KDM4C: variants seen among roughly 807,000 people sequenced by gnomAD.
KDM4C encodes lysine demethylase 4C.
Under a neutral mutation model 129.3 loss-of-function variants are expected in KDM4C, and 81 were observed. The observed-to-expected ratio is 0.63, with a 90% CI of 0.52 to 0.75. The LOEUF (loss-of-function observed/expected upper bound fraction) is 0.75, where lower values mean the gene tolerates loss of function less well. Among genes scored for constraint, KDM4C ranks in the 30% least tolerant of loss-of-function variants. KDM4C has a pLI of 0.00. For missense variants in KDM4C, 1,457 were observed against 1,304.0 expected (o/e 1.12, Z -1.81); for synonymous variants, 573 against 456.1 (o/e 1.26, Z -3.26).
rs1834989471 is a variant in KDM4C at position 7,085,339 on chromosome 9, T to G, written c.2425-18346T>G. ...CAGTTGCAGAATTCCCATTCTAAGATTTTTCTTGCTTTTTCTTTTTCCTTG... is the reference window on the plus strand; with the variant it reads ...CAGTTGCAGAATTCCCATTCTAAGAGTTTTCTTGCTTTTTCTTTTTCCTTG... On this transcript the variant is annotated intron_variant, in intron 17 of 21. Coordinates refer to ENST00000381309, the MANE Select transcript of KDM4C (RefSeq NM_015061.6). Among the ~76,000 whole-genome samples, 3 of 152,192 alleles carry G rather than the reference T, an allele frequency of 2.0e-5. No homozygotes were observed. The South Asian group carries it at 6.2e-4, about 31-fold the overall frequency.
intron 8 of KDM4C, among the ~76,000 whole-genome samples, chr9:6,958,687 A>ATT (rs377187050): frequency 0.041 from 5,607 of 136,290 alleles, 432 homozygotes; most frequent in African/African-American, 0.13. Context: ...TCTTTATATG[A>ATT]TTTTTTTTTT....
intron 8 of KDM4C, among the ~76,000 whole-genome samples, chr9:6,923,484 T>G (rs1291042057): frequency 2.6e-5 from 4 of 152,202 alleles, no homozygotes; most frequent in Non-Finnish European, 5.9e-5. Flanking sequence ...ATTCTTGGAT[T>G]TATTTGAATG....
chr9:7,110,644 C>T lies in KDM4C; in HGVS notation c.2610+6774C>T, dbSNP rs118019043. Among the ~76,000 whole-genome samples the T allele has an allele frequency of 1.5e-3, 233 of 152,294 alleles. 2 individuals are homozygous for T. Among genetic ancestry groups the T allele is most frequent in the East Asian group, 0.01 (52 of 5,172 alleles). ...GCACATACTCTTCCACAGGGGGCCT[C>T]TGCTTTTCTGGTCTCTTTCTTTAAG... is the stretch of plus-strand genomic sequence containing the variant. On this transcript the variant is annotated intron_variant, in intron 18 of 21. Transcript: ENST00000381309.
intron 19 of KDM4C, among the ~76,000 whole-genome samples, chr9:7,133,833 C>T (rs926051663): frequency 1.3e-5 from 2 of 152,216 alleles, no homozygotes; most frequent in Non-Finnish European, 2.9e-5. Flanking sequence ...GTTTGAGAAA[C>T]TAGAACAGAG....
At chr9:6,817,763 CTTTTTTTTTT>C (rs146833868) in intron 4 of KDM4C, among the ~76,000 whole-genome samples, 1,266 of 105,092 alleles carry the variant, frequency 0.012, 16 homozygotes, top group South Asian at 0.026. Context: ...CAGGAATAAC[CTTTTTTTTTT>C]TTTTTTTTTT....
At chr9:6,858,700 A>G (rs1296735145) in intron 5 of KDM4C, among the ~76,000 whole-genome samples, 1 of 151,792 alleles carries the variant, frequency 6.6e-6, no homozygotes, top group Non-Finnish European at 1.5e-5. Flanking sequence ...TTCACCTGGG[A>G]GGTGGAGGTT....
At chr9:6,925,138 C>G in intron 8 of KDM4C, 1 of 985,360 alleles carries the variant, frequency 1.0e-6, no homozygotes, top group Non-Finnish European at 1.2e-6. Context: ...TTCATGGATG[C>G]CAAGCAGTGC....
At chr9:6,738,360 A>G (rs1483138262) in intron 1 of KDM4C, among the ~76,000 whole-genome samples, 1 of 152,152 alleles carries the variant, frequency 6.6e-6, no homozygotes, top group Admixed American at 6.6e-5. Context: ...CTGTAATCCC[A>G]GCTACTCGGG....
At chr9:6,953,883 G>A (rs553717090) in intron 8 of KDM4C, among the ~76,000 whole-genome samples, 2 of 152,124 alleles carry the variant, frequency 1.3e-5, no homozygotes, top group South Asian at 2.1e-4. Flanking sequence ...TGGAAATCTG[G>A]TTCCTCTTCC....
intron 19 of KDM4C, among the ~76,000 whole-genome samples, chr9:7,134,883 C>A (rs1841025284): frequency 6.6e-6 from 1 of 152,220 alleles, no homozygotes; most frequent in Non-Finnish European, 1.5e-5. Flanking sequence ...TTCATCAACT[C>A]TGTAAACCTT....
intron 17 of KDM4C, among the ~76,000 whole-genome samples, chr9:7,088,647 A>T (rs1255066369): frequency 6.6e-6 from 1 of 152,202 alleles, no homozygotes; most frequent in Non-Finnish European, 1.5e-5. Context: ...TTTGCTACAT[A>T]TTACAGGAGG....
chr9:7,039,854 A>G (rs1457089337), intron 15 of KDM4C, among the ~76,000 whole-genome samples: 3 of 152,030 alleles, frequency 2.0e-5, no homozygotes, highest in Admixed American at 6.6e-5. Context: ...GAGTCTATAT[A>G]TAAATGGCCC....
At chr9:6,981,593 T>G (rs1421753623) in intron 9 of KDM4C, among the ~76,000 whole-genome samples, 1 of 152,210 alleles carries the variant, frequency 6.6e-6, no homozygotes, top group Non-Finnish European at 1.5e-5. Context: ...TTTTGTAAGA[T>G]GTAAAACACA....
chr9:6,949,135 G>A lies in KDM4C; in HGVS notation c.922-31790G>A, dbSNP rs867444269. Among the ~76,000 whole-genome samples, 8 of 150,064 alleles carry A rather than the reference G, an allele frequency of 5.3e-5. No homozygotes were observed. The South Asian group carries it at 6.4e-4, about 12-fold the overall frequency. On this transcript the variant is annotated intron_variant, in intron 8 of 21. Coordinates refer to ENST00000381309, the MANE Select transcript of KDM4C (RefSeq NM_015061.6). ...ACGCTCCTCACTTCCCAGACGGGGCGGCTGCTGGGCGGAGGGGCTCCTCAC... is the reference window on the plus strand; with the variant it reads ...ACGCTCCTCACTTCCCAGACGGGGCAGCTGCTGGGCGGAGGGGCTCCTCAC...
rs758428561 is a variant in KDM4C at position 6,832,428 on chromosome 9, C to CT, written c.436-17064dup. Among the ~76,000 whole-genome samples the CT allele has an allele frequency of 3.6e-3, 482 of 133,724 alleles. 3 individuals are homozygous for CT. Among genetic ancestry groups the CT allele is most frequent in the African/African-American group, 6.6e-3 (242 of 36,738 alleles). The allele number at this position is 133,724 out of a possible 152,430, so 87.7% of individuals were successfully genotyped here. A position where few individuals can be genotyped will look rare whatever the true frequency, so the allele number is the denominator to read the frequency against. ...ATAGATTATTCTTTTTCTTTTTTTT[C>CT]TTTTTTTTTTTTTTTGAGGTGGAGT... On this transcript the variant is annotated intron_variant, in intron 4 of 21. Coordinates refer to ENST00000381309, the MANE Select transcript of KDM4C (RefSeq NM_015061.6).
intron 15 of KDM4C, among the ~76,000 whole-genome samples, chr9:7,023,079 G>A (rs55754223): frequency 6.6e-6 from 1 of 152,074 alleles, no homozygotes; most frequent in East Asian, 1.9e-4. Flanking sequence ...CTGCATCAGT[G>A]TTCATCAGGG....
intron 5 of KDM4C, among the ~76,000 whole-genome samples, chr9:6,850,942 A>T (rs796580136): frequency 2.0e-5 from 3 of 149,958 alleles, no homozygotes; most frequent in African/African-American, 7.4e-5. Context: ...TTTAGTAGAG[A>T]TGGGGTTTCA....
At chr9:6,885,598 C>T (rs1306143553) in intron 6 of KDM4C, among the ~76,000 whole-genome samples, 1 of 139,160 alleles carries the variant, frequency 7.2e-6, no homozygotes, top group Non-Finnish European at 1.5e-5. Context: ...TTGCTTGATC[C>T]TGTATAATAT....
intron 5 of KDM4C, among the ~76,000 whole-genome samples, chr9:6,857,114 C>G (rs1040198901): frequency 1.3e-5 from 2 of 152,052 alleles, no homozygotes; most frequent in Non-Finnish European, 2.9e-5. Context: ...CTGCCTTGGC[C>G]CCCCGAAGTC....
Sources: gnomAD v4.1 joint callset for allele counts (sites outside exome capture counted in the v4.1 genomes callset) on GRCh38, gnomAD v4.1.1 for gene constraint, MANE v1.5 for transcripts, NCBI Gene and HGNC (gene_info 2026-07-23, HGNC 2026-07-21) for gene names.